Variants in PDE10A observed in about 807,000 individuals in gnomAD.
PDE10A encodes phosphodiesterase 10A.
PDE10A carries 39 observed loss-of-function variants against 97.7 expected under a neutral mutation model. The observed-to-expected ratio is 0.40, with a 90% CI of 0.31 to 0.52. The LOEUF is 0.52. PDE10A is among the 20% of genes least tolerant of loss of function. PDE10A has a pLI of 0.56. For synonymous variants in PDE10A, 371 were observed against 376.8 expected, an observed-to-expected ratio of 0.98 and a Z score of 0.18; for missense variants, 731 against 1,047.8, an observed-to-expected ratio of 0.70 and a Z score of 4.17.
intron 1 of PDE10A, among the ~76,000 whole-genome samples, chr6:165,591,655 A>C (rs1163404913): frequency 6.6e-6 from 1 of 152,256 alleles, no homozygotes; most frequent in Non-Finnish European, 1.5e-5. Flanking sequence ...TGAAGAGCTT[A>C]AACAACTCTT....
At chr6:165,424,334 G>A (rs1484840671) in intron 10 of PDE10A, among the ~76,000 whole-genome samples, 1 of 152,172 alleles carries the variant, frequency 6.6e-6, no homozygotes, top group Non-Finnish European at 1.5e-5. Context: ...TGAGGACAGA[G>A]GCTGTGAAGG....
At chr6:165,372,773 C>G (rs9459397) in intron 18 of PDE10A, among the ~76,000 whole-genome samples, 1 of 135,670 alleles carries the variant, frequency 7.4e-6, no homozygotes, top group Non-Finnish European at 1.6e-5. Flanking sequence ...ATTGCCAAGT[C>G]AATCCTAAGC....
At chr6:165,746,535 T>C (rs1792847516) in intron 1 of PDE10A, among the ~76,000 whole-genome samples, 1 of 152,200 alleles carries the variant, frequency 6.6e-6, no homozygotes, top group South Asian at 2.1e-4. Context: ...CAAATACCCA[T>C]TCAGTAGTGA....
chr6:165,683,014 C>T (rs761103639), intron 1 of PDE10A, among the ~76,000 whole-genome samples: 2 of 152,168 alleles, frequency 1.3e-5, no homozygotes, highest in Non-Finnish European at 2.9e-5. Flanking sequence ...TGTAAAAGTG[C>T]GTGTGGGCAG....
At chr6:165,509,188 T>C (rs930964170) in intron 2 of PDE10A, among the ~76,000 whole-genome samples, 2 of 152,046 alleles carry the variant, frequency 1.3e-5, no homozygotes, top group African/African-American at 4.8e-5. Context: ...AAGTATTTTT[T>C]ACACGCACAG....
chr6:165,612,324 T>C (rs996714645), intron 1 of PDE10A, among the ~76,000 whole-genome samples: 6 of 151,982 alleles, frequency 3.9e-5, no homozygotes, highest in Admixed American at 6.6e-5. Context: ...CTTAATCCCA[T>C]ACACTTTTAA....
intron 1 of PDE10A, among the ~76,000 whole-genome samples, chr6:165,921,048 T>C (rs1406006365): frequency 6.6e-6 from 1 of 152,084 alleles, no homozygotes; most frequent in African/African-American, 2.4e-5. Context: ...CCCCTGGAAA[T>C]AGGAGGAGCT....
At chr6:165,896,122 C>G (rs1009581804) in intron 1 of PDE10A, among the ~76,000 whole-genome samples, 1 of 152,152 alleles carries the variant, frequency 6.6e-6, no homozygotes, top group Non-Finnish European at 1.5e-5. Flanking sequence ...CTTTGATAAC[C>G]CTCTGGTGCA....
intron 18 of PDE10A, among the ~76,000 whole-genome samples, chr6:165,364,195 T>C (rs1203013250): frequency 1.3e-5 from 2 of 152,220 alleles, no homozygotes; most frequent in Non-Finnish European, 2.9e-5. Context: ...TAAATCCTAA[T>C]GTCCAACATG....
chr6:165,335,923 G>A (rs1320913681), intron 21 of PDE10A, among the ~76,000 whole-genome samples, 200 bp downstream of exon 21: 2 of 152,222 alleles, frequency 1.3e-5, no homozygotes, highest in South Asian at 2.1e-4. Context: ...CCTGAGGCTC[G>A]TCTTTGAGGA....
chr6:165,495,900 G>A (rs990117948), intron 2 of PDE10A, among the ~76,000 whole-genome samples: 1 of 152,060 alleles, frequency 6.6e-6, no homozygotes, highest in Admixed American at 6.5e-5. Context: ...TTGTCTTCAT[G>A]AAGCTGTATT....
intron 18 of PDE10A, among the ~76,000 whole-genome samples, chr6:165,373,795 G>A (rs1005460130): frequency 2.6e-5 from 4 of 151,588 alleles, no homozygotes; most frequent in Admixed American, 1.3e-4. Context: ...TGTTTATTGC[G>A]GCACTATTCA....
chr6:165,393,630 C>A (rs1236502250), intron 15 of PDE10A, among the ~76,000 whole-genome samples: 1 of 152,094 alleles, frequency 6.6e-6, no homozygotes, highest in Non-Finnish European at 1.5e-5. Context: ...GTCAAACTCT[C>A]AACTGCATTC....
chr6:165,666,648 G>GC (rs771445396), upstream of PDE10A, among the ~76,000 whole-genome samples: 64 of 151,684 alleles, frequency 4.2e-4, no homozygotes, highest in Non-Finnish European at 6.9e-4. Flanking sequence ...CATGCTCCCG[G>GC]CCCCCCACCC....
chr6:165,601,177 TTC>T (rs1786926759), intron 1 of PDE10A, among the ~76,000 whole-genome samples: 1 of 152,192 alleles, frequency 6.6e-6, no homozygotes, highest in Non-Finnish European at 1.5e-5. Context: ...TTCCTCATTT[TTC>T]CTTTTGCTGC....
At chr6:165,350,198 C>T (rs1782604285) in intron 18 of PDE10A, among the ~76,000 whole-genome samples, 1 of 152,194 alleles carries the variant, frequency 6.6e-6, no homozygotes, top group African/African-American at 2.4e-5. Context: ...GGGAGGGTAA[C>T]TGTATCCTGT....
At position 165,641,851 on chromosome 6, in the gene PDE10A, G is replaced by A. The variant is rs114627776; in HGVS notation, c.865+20096C>T. Among the ~76,000 whole-genome samples the A allele has an allele frequency of 4.6e-3, 695 of 152,290 alleles. 6 individuals are homozygous for A. Among genetic ancestry groups the A allele is most frequent in the African/African-American group, 0.016 (658 of 41,562 alleles). ...AATCTTTGAAACAGAACACGGTCCC[G>A]TCTCTGGCAAGCGGTGTTTCGGTTC... On this transcript the variant is annotated intron_variant, in intron 1 of 21. Transcript: ENST00000539869.
chr6:165,533,433 G>C (rs1355595581), intron 2 of PDE10A, among the ~76,000 whole-genome samples: 1 of 152,136 alleles, frequency 6.6e-6, no homozygotes, highest in Non-Finnish European at 1.5e-5. Flanking sequence ...ACTGTAGGTA[G>C]CTATAATACA....
At position 165,899,474 on chromosome 6, in the gene PDE10A, G is replaced by A. The variant is rs573902849; in HGVS notation, c.-615+88055C>T. On this transcript the variant is annotated intron_variant, in intron 1 of 19. Transcript: ENST00000366882. ...GCTAGGGGCTGGGATGTACAGTGGT[G>A]AATGGAGACTGTCACTGCATCTACC... Among the ~76,000 whole-genome samples the A allele has an allele frequency of 2.0e-5, 3 of 152,332 alleles. No individual in the cohort carries two copies. The East Asian group carries it at 5.8e-4, about 29-fold the overall frequency.
Sources: allele counts gnomAD v4.1 joint callset (sites outside exome capture counted in the v4.1 genomes callset), GRCh38; gene constraint gnomAD v4.1.1; transcripts MANE v1.5; gene names NCBI Gene and HGNC (gene_info 2026-07-23, HGNC 2026-07-21).